The following DDR2 variants were observed in gnomAD, a reference collection of about 807,000 sequenced individuals.
DDR2 encodes discoidin domain receptor tyrosine kinase 2.
DDR2 carries 27 observed loss-of-function variants against 94.9 expected under a neutral mutation model. That is an observed-to-expected ratio of 0.28 (90% confidence interval 0.21 to 0.39). DDR2 has a LOEUF of 0.39. Among genes scored for constraint, DDR2 ranks in the 10% least tolerant of loss-of-function variants. DDR2 has a pLI of 1.00. For synonymous variants in DDR2, 382 were observed against 377.2 expected, an observed-to-expected ratio of 1.01 and a Z score of -0.15; for missense variants, 783 against 1,076.0, an observed-to-expected ratio of 0.73 and a Z score of 3.81.
chr1:162,671,176 G>A (rs1207283983), intron 2 of DDR2, among the ~76,000 whole-genome samples: 3 of 152,238 alleles, frequency 2.0e-5, no homozygotes, highest in Non-Finnish European at 2.9e-5. Context: ...GGCAGTGGTC[G>A]GGAGAGGAGA....
rs1355706568 is a variant in DDR2 at position 162,746,586 on chromosome 1, T to G, written c.83-6509T>G. ...AAGGCAGCAGAAACTTCTGCAGACTTAAACGTCCCTGTCTGACAGCTTTGA... is the reference window on the plus strand; with the variant it reads ...AAGGCAGCAGAAACTTCTGCAGACTGAAACGTCCCTGTCTGACAGCTTTGA... On this transcript the variant is annotated intron_variant, in intron 3 of 17. Coordinates refer to ENST00000367921, the MANE Select transcript of DDR2 (RefSeq NM_006182.4). Among the ~76,000 whole-genome samples, 3 of 152,196 alleles carry G rather than the reference T, an allele frequency of 2.0e-5. No individual in the cohort carries two copies. In the East Asian group the frequency reaches 5.8e-4, roughly 29 times the overall value.
chr1:162,648,458 T>TTTGGATG (rs1657523306), intron 1 of DDR2, among the ~76,000 whole-genome samples: 1 of 152,026 alleles, frequency 6.6e-6, no homozygotes, highest in Non-Finnish European at 1.5e-5. Flanking sequence ...TAAATAGAGC[T>TTTGGATG]TTGGATGTTG....
chr1:162,670,995 T>C (rs924848633), intron 2 of DDR2, among the ~76,000 whole-genome samples: 3 of 152,190 alleles, frequency 2.0e-5, no homozygotes, highest in African/African-American at 7.2e-5. Flanking sequence ...CTTTTCTTCA[T>C]GTGCCAGGAG....
chr1:162,724,234 C>T (rs1009845249), intron 3 of DDR2, among the ~76,000 whole-genome samples: 2 of 152,114 alleles, frequency 1.3e-5, no homozygotes, highest in African/African-American at 2.4e-5. Flanking sequence ...CTACCTGGGC[C>T]CTCAGGGAGC....
intron 16 of DDR2, chr1:162,777,781 A>C (rs553560025): frequency 0.049 from 7,483 of 152,368 alleles, 214 homozygotes; most frequent in Admixed American, 0.066. Context: ...AGGCTGAGGC[A>C]GGAGGATGAA....
In DDR2 at chr1:162,755,295, T is replaced by A; in HGVS notation, c.557T>A (p.Val186Asp). 6.2e-7 allele frequency: 1 copy of A among 1,613,860 alleles called. No homozygotes were observed. The highest frequency in any genetic ancestry group is 8.5e-7 in the Non-Finnish European group (1 of 1,180,006). The part of the protein sequence containing the change: ...VCMRVELYGC[V>D]WLDGLVSYNA... ...ATGAGAGTGGAGCTTTACGGCTGTG[T>A]CTGGCTAGGTAGGTCACTAGCCCAG... Residue 186 changes from valine to aspartate, a missense_variant, in exon 6 of 18, where the codon GTC (valine) becomes GAC (aspartate). By Grantham distance (152) the Val-to-Asp change is radical (BLOSUM62 -3). Coordinates refer to ENST00000367921, the MANE Select transcript of DDR2 (RefSeq NM_006182.4).
At position 162,778,950 on chromosome 1, in the gene DDR2, T is replaced by G. The variant is rs933519930; in HGVS notation, c.2433+221T>G. On this transcript the variant is annotated intron_variant, in intron 17 of 17. Coordinates refer to ENST00000367921, the MANE Select transcript of DDR2 (RefSeq NM_006182.4). ...TCAACTCATTGACTCTTGGAGAGCA[T>G]AAAGGGTCATGTCAGGTTTCTCCCC... 3.3e-5 allele frequency among the ~76,000 whole-genome samples: 5 copies of G among 152,286 alleles called. No homozygotes were observed. The East Asian group carries it at 9.6e-4, about 29-fold the overall frequency.
chr1:162,647,211 G>A (rs1657458184), intron 1 of DDR2, among the ~76,000 whole-genome samples: 1 of 152,170 alleles, frequency 6.6e-6, no homozygotes, highest in Non-Finnish European at 1.5e-5. Flanking sequence ...GAATGAAAAT[G>A]CTCCTGACCA....
chr1:162,741,797 A>G, intron 3 of DDR2: 1 of 973,460 alleles, frequency 1.0e-6, no homozygotes. Flanking sequence ...CTGGGCATGT[A>G]GCCCAGGTTA....
At chr1:162,633,453 C>A (rs917207623) in intron 1 of DDR2, among the ~76,000 whole-genome samples, 5 of 152,180 alleles carry the variant, frequency 3.3e-5, no homozygotes, top group African/African-American at 1.2e-4. Flanking sequence ...TCCTACAACA[C>A]AGAGTTAAGA....
At chr1:162,656,833 G>GTTGTTTTTTTT (rs1657990644) in intron 2 of DDR2, among the ~76,000 whole-genome samples, 1 of 65,682 alleles carries the variant, frequency 1.5e-5, no homozygotes, top group African/African-American at 4.9e-5. Context: ...TGCCACTGGA[G>GTTGTTTTTTTT]TTTTTTTTTT....
chr1:162,780,104 T>A lies in DDR2; in HGVS notation c.2434-8T>A. On this transcript the variant is annotated splice_polypyrimidine_tract_variant and splice_region_variant and intron_variant, in intron 17 of 17. Transcript: ENST00000367921. The stretch of plus-strand genomic sequence containing the variant: ...CTCTTTTGTTTTCCTTTATTTTTGT[T>A]CCCAAAGACTTACCTCCCTCAACCA... 6.2e-7 allele frequency: 1 copy of A among 1,613,934 alleles called. No individual in the cohort carries two copies. Among genetic ancestry groups the A allele is most frequent in the Non-Finnish European group, 8.5e-7 (1 of 1,179,868 alleles).
chr1:162,657,870 A>T (rs1177397163), intron 2 of DDR2, among the ~76,000 whole-genome samples: 1 of 144,276 alleles, frequency 6.9e-6, no homozygotes, highest in Admixed American at 7.0e-5. Flanking sequence ...TCTCTTTTTG[A>T]TCCTTATTCT....
chr1:162,631,488 C>G (rs187094762), upstream of DDR2: 8 of 152,348 alleles, frequency 5.3e-5, no homozygotes. Flanking sequence ...CCATCTACCT[C>G]TCTCTTTGGA....
chr1:162,642,894 T>C (rs1359343771), intron 1 of DDR2, among the ~76,000 whole-genome samples: 1 of 152,186 alleles, frequency 6.6e-6, no homozygotes, highest in Non-Finnish European at 1.5e-5. Flanking sequence ...TGCTGCTTAA[T>C]ATCATGTTTG....
chr1:162,714,295 T>A (rs1026736722), intron 2 of DDR2, among the ~76,000 whole-genome samples: 3 of 152,200 alleles, frequency 2.0e-5, no homozygotes, highest in African/African-American at 7.2e-5. Context: ...ATTTTTATTA[T>A]TCTTTTCATT....
At chr1:162,764,637 G>C (rs904629523) in intron 9 of DDR2, among the ~76,000 whole-genome samples, 3 of 151,932 alleles carry the variant, frequency 2.0e-5, no homozygotes, top group African/African-American at 4.8e-5. Context: ...GACTAGCCTA[G>C]GCAACATGGC....
Position 162,780,266 on chromosome 1 carries a change from T to C in DDR2, c.*20T>C, listed in dbSNP as rs1178564323. 1.9e-6 allele frequency: 3 copies of C among 1,613,670 alleles called. No individual in the cohort carries two copies. The highest frequency in any genetic ancestry group is 2.5e-6 in the Non-Finnish European group (3 of 1,179,788). Reference sequence around the variant, plus strand: ...GAGTGATGCTGTCAGTGCCTGGCCATGTTCCTACGGCTCAGGTCCTCCCTA... The same window carrying C: ...GAGTGATGCTGTCAGTGCCTGGCCACGTTCCTACGGCTCAGGTCCTCCCTA... On this transcript the variant is annotated 3_prime_UTR_variant, in exon 18 of 18. Coordinates refer to ENST00000367921, the MANE Select transcript of DDR2 (RefSeq NM_006182.4).
At chr1:162,722,990 G>A (rs963845276) in intron 3 of DDR2, among the ~76,000 whole-genome samples, 11 of 152,276 alleles carry the variant, frequency 7.2e-5, no homozygotes, top group African/African-American at 2.6e-4. Context: ...TGAATTTCAG[G>A]AGAATCTTGC....
Sources: gnomAD v4.1 joint callset for allele counts (sites outside exome capture counted in the v4.1 genomes callset) on GRCh38, gnomAD v4.1.1 for gene constraint, MANE v1.5 for transcripts, NCBI Gene and HGNC (gene_info 2026-07-23, HGNC 2026-07-21) for gene names.